The following MCM4 variants were observed in gnomAD, a reference collection of about 807,000 sequenced individuals.
MCM4 encodes the protein DNA replication licensing factor MCM4.
A neutral mutation model predicts 88.7 loss-of-function variants in MCM4; 60 were observed. The observed-to-expected ratio is 0.68, with a 90% CI of 0.55 to 0.84. MCM4 has a LOEUF of 0.84. Ranked by LOEUF, MCM4 falls within the 40% of genes least tolerant of loss-of-function variation. MCM4 has a pLI of 0.00. For missense variants in MCM4, 1,149 were observed against 1,105.5 expected (o/e 1.04, Z -0.56); for synonymous variants, 465 against 410.5 (o/e 1.13, Z -1.61).
At position 47,970,659 on chromosome 8, in the gene MCM4, C is replaced by G; in HGVS notation, c.1583C>G (p.Pro528Arg). 1 of 1,614,140 alleles carries G rather than the reference C, an allele frequency of 6.2e-7. No homozygotes were observed. Among genetic ancestry groups the G allele is most frequent in the Non-Finnish European group, 8.5e-7 (1 of 1,180,032 alleles). Residue 528 changes from proline (P) to arginine (R), a missense_variant, in exon 12 of 17, where the codon CCC (proline) becomes CGC (arginine). This residue lies in a region of MCM4 where 906 missense variants were observed against 843.0 expected (regional missense o/e 1.07). Transcript: ENST00000649973. ...QLLQYVYNLV[P>R]RGQYTSGKGS... ...CTGCAGTACGTGTACAACCTCGTCC[C>G]CAGGGGCCAGTACACGTCTGGGAAG...
chr8:47,960,973 CG>C lies in MCM4; in HGVS notation c.-54del. 5 of 627,838 alleles carry C rather than the reference CG, an allele frequency of 8.0e-6. No individual in the cohort carries two copies. Among genetic ancestry groups the C allele is most frequent in the Non-Finnish European group, 1.2e-5 (5 of 400,552 alleles). The allele number at this position is 627,838 out of a possible 1,614,324, so 38.9% of individuals were successfully genotyped here. On this transcript the variant is annotated 5_prime_UTR_variant, in exon 1 of 17. Transcript: ENST00000649973. ...GGGAGCGCTACTCGCCAGGTGGACT[CG>C]GAGTCCGCGAGCGTCGTCGGCAAGC...
intron 8 of MCM4, among the ~76,000 whole-genome samples, chr8:47,965,085 C>A: frequency 6.6e-6 from 1 of 152,026 alleles, no homozygotes; most frequent in Non-Finnish European, 1.5e-5. Flanking sequence ...TGGTGGCACA[C>A]GCCTGTAGTC....
At chr8:47,962,888 A>G in intron 6 of MCM4, 29 bp downstream of exon 6, 1 of 1,577,688 alleles carries the variant, frequency 6.3e-7, no homozygotes, top group Non-Finnish European at 8.6e-7. Flanking sequence ...AATTCAAGTT[A>G]CGTGTTTTAA....
Position 47,961,015 on chromosome 8 carries a change from G to C in MCM4, c.-15+1G>C. ...GTCGGCAAGCGGCCGCCTTTCCACGGTAACCGCGCGCCGGCGGGGAGGGCG... is the reference window on the plus strand; with the variant it reads ...GTCGGCAAGCGGCCGCCTTTCCACGCTAACCGCGCGCCGGCGGGGAGGGCG... On this transcript the variant is annotated splice_donor_variant, in intron 1 of 16. Transcript: ENST00000649973. LOFTEE classifies it low-confidence loss of function (5UTR_SPLICE). 9.7e-7 allele frequency: 1 copy of C among 1,031,846 alleles called. No homozygotes were observed. Among genetic ancestry groups the C allele is most frequent in the Admixed American group, 3.9e-5 (1 of 25,804 alleles). The allele number at this position is 1,031,846 out of a possible 1,614,324, so 63.9% of individuals were successfully genotyped here. A position where few individuals can be genotyped will look rare whatever the true frequency, so the allele number is the denominator to read the frequency against.
At position 47,961,163 on chromosome 8, in the gene MCM4, A is replaced by G. The variant is rs940419261; in HGVS notation, c.19A>G (p.Thr7Ala). The G allele has an allele frequency of 3.2e-6, 5 of 1,542,556 alleles. No homozygotes were observed. The highest frequency in any genetic ancestry group is 1.9e-5 in the Admixed American group (1 of 53,818). The stretch of plus-strand genomic sequence containing the variant: ...GAGCACTATGTCGTCCCCGGCGTCG[A>G]CCCCGAGCCGCCGCGGCAGCCGGCG... MSSPAS[T>A]PSRRGSRRGR... Residue 7 changes from threonine (T) to alanine (A), a missense_variant, in exon 2 of 17, where the codon ACC becomes GCC. Physicochemically the swap from Thr to Ala is moderately conservative, Grantham distance 58. Around this residue, in one of 3 missense-constraint regions of MCM4, gnomAD observed 906 missense variants for 843.0 expected, o/e 1.07. Transcript: ENST00000649973.
chr8:47,972,731 A>G lies in MCM4; in HGVS notation c.1929-126A>G, dbSNP rs559904015. 6 of 663,504 alleles carry G rather than the reference A, an allele frequency of 9.0e-6. No individual in the cohort carries two copies. The East Asian group carries it at 1.4e-4, about 16-fold the overall frequency. The allele number at this position is 663,504 out of a possible 1,614,324, so 41.1% of individuals were successfully genotyped here. ...ACCACCACTCCTGGCTAATTGTTGC[A>G]TTTTTAGTAGAGACAAGGTTTCACC... On this transcript the variant is annotated intron_variant, in intron 13 of 16. Coordinates refer to ENST00000649973, the MANE Select transcript of MCM4 (RefSeq NM_182746.3).
rs17287555 is a variant in MCM4 at position 47,962,731 on chromosome 8, A to G, written c.502-33A>G. The G allele has an allele frequency of 2.6e-5, 34 of 1,298,488 alleles. 1 individual carries two copies. In the African/African-American group the frequency reaches 3.5e-4, roughly 14 times the overall value. 80.4% of individuals were successfully genotyped at this position (1,298,488 alleles called of 1,614,324 possible). A position where few individuals can be genotyped will look rare whatever the true frequency, so the allele number is the denominator to read the frequency against. ...TAGTAGTTGCCTGTTCCCAAATGCT[A>G]TATGCCTAATACAGTTTTCTCTCCA... On this transcript the variant is annotated intron_variant, in intron 5 of 16. Coordinates refer to ENST00000649973, the MANE Select transcript of MCM4 (RefSeq NM_182746.3).
rs757928837 is a variant in MCM4, at chr8:47,970,499, C to T, written c.1435-12C>T. 6.9e-6 allele frequency: 11 copies of T among 1,586,304 alleles called. No individual in the cohort carries two copies. The Admixed American group carries it at 1.4e-4, about 20-fold the overall frequency. ...AGAAAATGAATGTTTAGACATGTCT[C>T]TGATTATTTAGGGAATTTTGCTTCA... On this transcript the variant is annotated splice_polypyrimidine_tract_variant and intron_variant, in intron 11 of 16. Transcript: ENST00000649973.
chr8:47,961,879 C>T (rs906196537), intron 3 of MCM4, 174 bp from the exon 4 acceptor site: 1 of 894,824 alleles, frequency 1.1e-6, no homozygotes, highest in Non-Finnish European at 1.7e-6. Context: ...GAGGAAGCAG[C>T]TTCTCTGGTG....
chr8:47,970,999 T>C lies in MCM4; in HGVS notation c.1800+123T>C, dbSNP rs1014385727. 5.9e-6 allele frequency: 7 copies of C among 1,179,322 alleles called. No homozygotes were observed. The Admixed American group carries it at 1.5e-4, about 26-fold the overall frequency. The allele number at this position is 1,179,322 out of a possible 1,614,324, so 73.1% of individuals were successfully genotyped here. A position where few individuals can be genotyped will look rare whatever the true frequency, so the allele number is the denominator to read the frequency against. Reference sequence around the variant, plus strand: ...AACTTGGGGAGATTGATAAGTGCTTTCCACATCATATTTCAGCTAAATCTC... The same window carrying C: ...AACTTGGGGAGATTGATAAGTGCTTCCCACATCATATTTCAGCTAAATCTC... On this transcript the variant is annotated intron_variant, in intron 12 of 16. Coordinates refer to ENST00000649973, the MANE Select transcript of MCM4 (RefSeq NM_182746.3).
chr8:47,965,645 AAAT>A (rs2090891886), intron 8 of MCM4, among the ~76,000 whole-genome samples: 1 of 152,200 alleles, frequency 6.6e-6, no homozygotes, highest in African/African-American at 2.4e-5. Flanking sequence ...GGAAAGGTTC[AAAT>A]AATAGAGGAA....
In MCM4 at chr8:47,969,977, C is replaced by CT. The variant is rs1193980335; in HGVS notation, c.1357dup (p.Ser453PhefsTer8). The CT allele has an allele frequency of 6.2e-7, 1 of 1,614,230 alleles. No individual in the cohort carries two copies. The highest frequency in any genetic ancestry group is 8.5e-7 in the Non-Finnish European group (1 of 1,180,036). ...GAAACGTGTGGAATTGCTTAAGGAA[C>CT]TTTCCAGGAAACCAGACATTTATGA... On this transcript the variant is annotated frameshift_variant, in exon 11 of 17. Coordinates refer to ENST00000649973, the MANE Select transcript of MCM4 (RefSeq NM_182746.3). LOFTEE classifies it high-confidence loss of function.
chr8:47,964,676 T>C lies in MCM4; in HGVS notation c.796T>C (p.Leu266=). 1.3e-6 allele frequency: 2 copies of C among 1,596,780 alleles called. No individual in the cohort carries two copies. The highest frequency in any genetic ancestry group is 2.3e-5 in the South Asian group (2 of 87,420). ...GATTCAAGTAAGACCATTCAACGCATTGAAGACTAAGAATATGAGAAACCT... is the reference window on the plus strand; with the variant it reads ...GATTCAAGTAAGACCATTCAACGCACTGAAGACTAAGAATATGAGAAACCT... The part of the protein sequence containing the change: ...HQIQVRPFNA[L]KTKNMRNLNP... The change falls in exon 8 of 17, where the codon TTG becomes CTG. Residue 266 remains leucine, a synonymous_variant. Coordinates refer to ENST00000649973, the MANE Select transcript of MCM4 (RefSeq NM_182746.3).
rs542640681 is a variant in MCM4, at chr8:47,973,159, C to T, written c.2136+95C>T. 1,666 of 1,107,640 alleles carry T rather than the reference C, an allele frequency of 1.5e-3. 2 individuals are homozygous for T. The highest frequency in any genetic ancestry group is 2.0e-3 in the Non-Finnish European group (1,549 of 771,724). The allele number at this position is 1,107,640 out of a possible 1,614,324, so 68.6% of individuals were successfully genotyped here. Reference sequence around the variant, plus strand: ...CTTTAAAATATTAATTATTTTGTTACGAATAACATACTGTTCTCTTCCTTG... The same window carrying T: ...CTTTAAAATATTAATTATTTTGTTATGAATAACATACTGTTCTCTTCCTTG... On this transcript the variant is annotated intron_variant, in intron 14 of 16. Coordinates refer to ENST00000649973, the MANE Select transcript of MCM4 (RefSeq NM_182746.3).
rs1486227582 is a variant in MCM4, at chr8:47,976,807, A to C, written c.*29A>C. On this transcript the variant is annotated 3_prime_UTR_variant, in exon 17 of 17. Transcript: ENST00000649973. Reference sequence around the variant, plus strand: ...CTTGTGAGCAAGGAAGGCTCCCTGCATGTCCTGCTTGCTGCACGCCACATG... The same window carrying C: ...CTTGTGAGCAAGGAAGGCTCCCTGCCTGTCCTGCTTGCTGCACGCCACATG... The C allele has an allele frequency of 9.0e-6, 13 of 1,438,852 alleles. No homozygotes were observed. The highest frequency in any genetic ancestry group is 1.4e-5 in the African/African-American group (1 of 71,698). 89.1% of individuals were successfully genotyped at this position (1,438,852 alleles called of 1,614,324 possible).
At chr8:47,962,634 A>G in intron 5 of MCM4, 130 bp from the exon 6 acceptor site, 1 of 726,572 alleles carries the variant, frequency 1.4e-6, no homozygotes, top group East Asian at 2.5e-5. Context: ...AAATTTTAGA[A>G]AAGAAAAAGG....
chr8:47,966,161 T>A lies in MCM4; in HGVS notation c.833-26T>A, dbSNP rs370806780. 11 of 1,574,236 alleles carry A rather than the reference T, an allele frequency of 7.0e-6. No individual in the cohort carries two copies. The Admixed American group carries it at 1.8e-4, about 26-fold the overall frequency. On this transcript the variant is annotated intron_variant, in intron 8 of 16. Transcript: ENST00000649973. ...GGACCTCCACACCTCAGGTCAGGTG[T>A]GCTGACCTCTCTTCTCCCCTCACAG...
intron 11 of MCM4, 28 bp downstream of exon 11, chr8:47,970,085 G>T: frequency 6.2e-7 from 1 of 1,606,864 alleles, no homozygotes; most frequent in South Asian, 1.1e-5. Flanking sequence ...ACTAGGGGTT[G>T]GGATTTACAA....
At chr8:47,966,643 T>C (rs960304254) in intron 9 of MCM4, among the ~76,000 whole-genome samples, 1 of 152,254 alleles carries the variant, frequency 6.6e-6, no homozygotes, top group Admixed American at 6.5e-5. Context: ...TTAGAGACAC[T>C]GTATTTTCAT....
Sources: gnomAD v4.1 joint callset for allele counts (sites outside exome capture counted in the v4.1 genomes callset) on GRCh38, gnomAD v4.1.1 for gene constraint, gnomAD v4.1.1 regional missense constraint, MANE v1.5 for transcripts, NCBI Gene and HGNC (gene_info 2026-07-23, HGNC 2026-07-21) for gene names.